Variants in ZNF224 observed in about 807,000 individuals in gnomAD.
The protein encoded by ZNF224 is zinc finger protein 224.
ZNF224 carries 8 observed loss-of-function variants against 10.5 expected under a neutral mutation model. The ratio of observed to expected loss-of-function variants is 0.76; its 90% CI spans 0.45 to 1.37. The LOEUF is 1.37. Ranked by LOEUF, ZNF224 falls within the 40% of genes most tolerant of loss-of-function variation. The pLI is 0.00. For missense variants in ZNF224, 754 were observed against 854.0 expected (o/e 0.88, Z 1.46); for synonymous variants, 282 against 287.8 (o/e 0.98, Z 0.20).
intron 3 of ZNF224, among the ~76,000 whole-genome samples, chr19:44,099,092 G>T (rs1967497271): frequency 6.6e-6 from 1 of 152,318 alleles, no homozygotes; most frequent in South Asian, 2.1e-4. Flanking sequence ...GAGAGAAAAA[G>T]AAAGAGAGAA....
chr19:44,095,917 C>A (rs375458615), intron 1 of ZNF224: 20 of 91,978 alleles, frequency 2.2e-4, no homozygotes, highest in African/African-American at 7.3e-4. Flanking sequence ...TGCGAGACTC[C>A]GTCTCAAAAA....
At chr19:44,098,856 G>A (rs574824821) in intron 3 of ZNF224, among the ~76,000 whole-genome samples, 68 of 152,360 alleles carry the variant, frequency 4.5e-4, no homozygotes, top group South Asian at 2.7e-3. Flanking sequence ...TGGAATTACA[G>A]GCGTGAGCCA....
intron 1 of ZNF224, chr19:44,095,408 C>T (rs1428021292): frequency 6.6e-6 from 1 of 152,120 alleles, no homozygotes; most frequent in Non-Finnish European, 1.5e-5. Flanking sequence ...GGGGTTGGAA[C>T]CTAAGCAGTC....
intron 5 of ZNF224, chr19:44,105,534 T>TTTA (rs1555775268): frequency 3.3e-5 from 5 of 151,502 alleles, no homozygotes; most frequent in Admixed American, 3.3e-4. Flanking sequence ...CAGTAGTCTT[T>TTTA]TTTTATTAAA....
Position 44,106,765 on chromosome 19 carries a change from A to G in ZNF224, c.605A>G (p.Lys202Arg), listed in dbSNP as rs946547322. 3.7e-6 allele frequency: 6 copies of G among 1,613,238 alleles called. No homozygotes were observed. The African/African-American group carries it at 5.3e-5, about 14-fold the overall frequency. The change falls in exon 6 of 6, where the codon AAA becomes AGA. Residue 202 changes from lysine to arginine, a missense_variant. Physicochemically the swap from Lys to Arg is conservative, Grantham distance 26. Coordinates refer to ENST00000693561, the MANE Select transcript of ZNF224 (RefSeq NM_001321645.3). Reference protein sequence around the residue: ...RIHQRVHMGEKCYKCDVCGKE... With the variant: ...RIHQRVHMGERCYKCDVCGKE... The stretch of plus-strand genomic sequence containing the variant: ...CATCAGAGAGTCCACATGGGAGAGA[A>G]ATGCTATAAGTGTGACGTGTGTGGT...
chr19:44,109,617 A>G lies in ZNF224; in HGVS notation c.*1333A>G, dbSNP rs1328007782. ...CTATGCCTATGACACTAAAACTCCA[A>G]AAAGTAGAAGACCACATTGATGATG... On this transcript the variant is annotated 3_prime_UTR_variant, in exon 6 of 6. Coordinates refer to ENST00000693561, the MANE Select transcript of ZNF224 (RefSeq NM_001321645.3). 6.6e-6 allele frequency: 1 copy of G among 152,118 alleles called. No homozygotes were observed. The highest frequency in any genetic ancestry group is 2.4e-5 in the African/African-American group (1 of 41,378). The allele number at this position is 152,118 out of a possible 1,614,324, so 9.4% of individuals were successfully genotyped here.
chr19:44,104,358 CAGA>C (rs746291226), intron 5 of ZNF224, among the ~76,000 whole-genome samples: 1 of 152,212 alleles, frequency 6.6e-6, no homozygotes, highest in Admixed American at 6.5e-5. Context: ...CAAGAGTTTA[CAGA>C]AGATCGCTCT....
Position 44,106,522 on chromosome 19 carries a change from G to C in ZNF224, c.362G>C (p.Ser121Thr). Residue 121 changes from serine (S) to threonine (T), a missense_variant, in exon 6 of 6, where the codon AGC becomes ACC. By Grantham distance (58) the Ser-to-Thr change is moderately conservative. Coordinates refer to ENST00000693561, the MANE Select transcript of ZNF224 (RefSeq NM_001321645.3). ...LTRSQDLMINSSQFSKEGDFP... is the reference protein window; with the variant it reads ...LTRSQDLMINTSQFSKEGDFP... ...AGGTCTCAAGACTTGATGATAAATAGCTCTCAGTTCTCCAAAGAAGGTGAT... is the reference window on the plus strand; with the variant it reads ...AGGTCTCAAGACTTGATGATAAATACCTCTCAGTTCTCCAAAGAAGGTGAT... 1 of 1,614,188 alleles carries C rather than the reference G, an allele frequency of 6.2e-7. No individual in the cohort carries two copies. Among genetic ancestry groups the C allele is most frequent in the South Asian group, 1.1e-5 (1 of 91,082 alleles).
rs541702168 is a variant in ZNF224, at chr19:44,103,840, A to T, written c.236-2556A>T. Among the ~76,000 whole-genome samples the T allele has an allele frequency of 3.0e-3, 451 of 152,078 alleles. 2 individuals carry two copies. The highest frequency in any genetic ancestry group is 0.01 in the African/African-American group (425 of 41,488). On this transcript the variant is annotated intron_variant, in intron 5 of 5. Coordinates refer to ENST00000693561, the MANE Select transcript of ZNF224 (RefSeq NM_001321645.3). ...CACGTAGCTGGGATTATAGGTGTGC[A>T]CCACCACACCTGGCTAATTTTTGTA...
chr19:44,105,083 T>C (rs900327568), intron 5 of ZNF224, among the ~76,000 whole-genome samples: 1 of 152,226 alleles, frequency 6.6e-6, no homozygotes. Flanking sequence ...AGCCTCACCT[T>C]AAATCACGTT....
chr19:44,098,943 T>C (rs1343669614), intron 3 of ZNF224, among the ~76,000 whole-genome samples: 2 of 152,206 alleles, frequency 1.3e-5, no homozygotes, highest in African/African-American at 4.8e-5. Flanking sequence ...GTTTCTTCAT[T>C]TACTCCTCAG....
Position 44,106,553 on chromosome 19 carries a change from C to T in ZNF224, c.393C>T (p.Pro131=), listed in dbSNP as rs1483330389. The change falls in exon 6 of 6, where the codon CCC becomes CCT. Residue 131 remains proline, a synonymous_variant. Transcript: ENST00000693561. ...SSQFSKEGDF[P]CQTEAGLSVI... ...AGTTCTCCAAAGAAGGTGATTTCCC[C>T]TGCCAGACTGAGGCAGGACTATCTG... 1.2e-6 allele frequency: 2 copies of T among 1,614,116 alleles called. No individual in the cohort carries two copies. Among genetic ancestry groups the T allele is most frequent in the Non-Finnish European group, 1.7e-6 (2 of 1,179,976 alleles).
intron 1 of ZNF224, chr19:44,095,337 A>G (rs1002356557): frequency 6.5e-6 from 1 of 152,694 alleles, no homozygotes; most frequent in African/African-American, 2.4e-5. Flanking sequence ...GCTTTTTTCT[A>G]TTTTAAAAAC....
intron 5 of ZNF224, among the ~76,000 whole-genome samples, chr19:44,102,825 C>A (rs1403018559): frequency 1.3e-5 from 2 of 152,108 alleles, no homozygotes; most frequent in Non-Finnish European, 2.9e-5. Context: ...GGAAAAAATT[C>A]TCCATTTTGT....
At chr19:44,100,731 T>A in intron 3 of ZNF224, 70 bp from the exon 4 acceptor site, 2 of 1,542,832 alleles carry the variant, frequency 1.3e-6, no homozygotes, top group Non-Finnish European at 1.8e-6. Context: ...CCCCTCTGTC[T>A]GCTCAGTGCC....
chr19:44,106,672 C>G lies in ZNF224; in HGVS notation c.512C>G (p.Ser171Ter), dbSNP rs767394305. 1 of 1,597,772 alleles carries G rather than the reference C, an allele frequency of 6.3e-7. No individual in the cohort carries two copies. The highest frequency in any genetic ancestry group is 8.5e-7 in the Non-Finnish European group (1 of 1,171,184). Reference protein sequence around the residue: ...SHFDFHQQLHSGEKSHTCDEC... With the variant: ...SHFDFHQQLH The stretch of plus-strand genomic sequence containing the variant: ...TTTGATTTTCATCAACAATTACACT[C>G]AGGAGAGAAATCTCATACGTGTGAT... The change falls in exon 6 of 6, where the codon TCA (serine) becomes TGA (stop). Residue 171 changes from serine to a stop codon, truncating the protein, a stop_gained. Transcript: ENST00000693561. LOFTEE classifies it low-confidence loss of function (END_TRUNC).
At chr19:44,098,305 C>T (rs1378626431) in intron 3 of ZNF224, among the ~76,000 whole-genome samples, 1 of 152,042 alleles carries the variant, frequency 6.6e-6, no homozygotes, top group Non-Finnish European at 1.5e-5. Context: ...ATCGATGTTC[C>T]TTTTTAATTA....
At chr19:44,103,394 G>T (rs28539456) in intron 5 of ZNF224, among the ~76,000 whole-genome samples, 112,213 of 152,108 alleles carry the variant, frequency 0.74, 43,038 homozygotes, top group Non-Finnish European at 0.87. Context: ...GACCAAAGTT[G>T]TCAACATTTT....
intron 3 of ZNF224, among the ~76,000 whole-genome samples, 182 bp from the exon 4 acceptor site, chr19:44,100,619 G>T (rs1967527923): frequency 6.6e-6 from 1 of 152,104 alleles, no homozygotes; most frequent in South Asian, 2.1e-4. Flanking sequence ...TGTTTCTGGT[G>T]GAACTCAGGG....
Sources: allele counts gnomAD v4.1 joint callset (sites outside exome capture counted in the v4.1 genomes callset), GRCh38; gene constraint gnomAD v4.1.1; transcripts MANE v1.5; gene names NCBI Gene and HGNC (gene_info 2026-07-23, HGNC 2026-07-21).